DCUN1D4: variants seen among roughly 807,000 people sequenced by gnomAD.
DCUN1D4 encodes defective in cullin neddylation 1 domain containing 4, also known as DCN1-like protein 4.
A neutral mutation model predicts 47.9 loss-of-function variants in DCUN1D4; 22 were observed. That is an observed-to-expected ratio of 0.46 (90% CI 0.33 to 0.66). The LOEUF (loss-of-function observed/expected upper bound fraction) is 0.66. Among genes scored for constraint, DCUN1D4 ranks in the 30% least tolerant of loss-of-function variants. The probability of loss-of-function intolerance (pLI) is 0.02; values close to 1 mark genes in which losing one functional copy is unlikely to be tolerated. For synonymous variants in DCUN1D4, 121 were observed against 112.2 expected (o/e 1.08, Z -0.50); for missense variants, 301 against 340.8 (o/e 0.88, Z 0.92).
At chr4:51,849,371 T>G (rs1480227376) in intron 1 of DCUN1D4, among the ~76,000 whole-genome samples, 1 of 152,148 alleles carries the variant, frequency 6.6e-6, no homozygotes. Flanking sequence ...AGGGGGAGAT[T>G]CTGTGAACTG....
rs1731168753 is a variant in DCUN1D4 at position 51,895,728 on chromosome 4, C to T, written c.507-3542C>T. 2.0e-5 allele frequency among the ~76,000 whole-genome samples: 3 copies of T among 152,220 alleles called. 1 individual carries two copies. In the South Asian group the frequency reaches 6.2e-4, roughly 32 times the overall value. On this transcript the variant is annotated intron_variant, in intron 7 of 10. Transcript: ENST00000334635. ...ACTTCGATGATTACTGTGTTGATTT[C>T]TGTCCTTACAAATCTGTTAGAGCAG...
At chr4:51,847,461 C>A (rs1722724207) in intron 1 of DCUN1D4, among the ~76,000 whole-genome samples, 1 of 152,128 alleles carries the variant, frequency 6.6e-6, no homozygotes, top group Admixed American at 6.5e-5. Flanking sequence ...CACTGAAATC[C>A]TGGACATTTC....
rs879704389 is a variant in DCUN1D4 at position 51,913,906 on chromosome 4, A to C, written c.*322A>C. The C allele has an allele frequency of 1.7e-5, 4 of 242,192 alleles. No individual in the cohort carries two copies. The highest frequency in any genetic ancestry group is 3.1e-5 in the Non-Finnish European group (4 of 127,718). 15.0% of individuals were successfully genotyped at this position (242,192 alleles called of 1,614,324 possible). ...GGTTCACCTAGAGATTATTTCTGAA[A>C]AATGTATTGTAAAAATAATTTTGTG... On this transcript the variant is annotated 3_prime_UTR_variant, in exon 11 of 11. Coordinates refer to ENST00000334635, the MANE Select transcript of DCUN1D4 (RefSeq NM_001040402.3).
At chr4:51,885,716 T>A in intron 5 of DCUN1D4, among the ~76,000 whole-genome samples, 2 of 151,578 alleles carry the variant, frequency 1.3e-5, no homozygotes, top group East Asian at 1.9e-4. Context: ...CTAGAAGAGG[T>A]TTAAGGATGA....
chr4:51,860,693 G>T (rs1395877960), intron 1 of DCUN1D4: 29 of 453,014 alleles, frequency 6.4e-5, no homozygotes, highest in Non-Finnish European at 3.1e-5. Context: ...ACTTTTAAAT[G>T]ACTGAACCCC....
chr4:51,849,154 T>C (rs1485550105), intron 1 of DCUN1D4, among the ~76,000 whole-genome samples: 1 of 152,228 alleles, frequency 6.6e-6, no homozygotes, highest in East Asian at 1.9e-4. Context: ...GATTGGAGAA[T>C]TCTTACCCTG....
intron 3 of DCUN1D4, among the ~76,000 whole-genome samples, chr4:51,864,673 CTT>C (rs1389811212): frequency 1.3e-5 from 2 of 152,140 alleles, no homozygotes; most frequent in Admixed American, 6.5e-5. Flanking sequence ...CCTCAGGCCT[CTT>C]TTATAAGGGC....
upstream of DCUN1D4, among the ~76,000 whole-genome samples, chr4:51,841,931 G>GTGT (rs1015386197): frequency 1.6e-4 from 21 of 129,286 alleles, no homozygotes; most frequent in Non-Finnish European, 2.7e-4. Flanking sequence ...CCTTGTAGGT[G>GTGT]TGTTGTTGTT....
At chr4:51,835,023 G>A in the DCUN1D4 span, among the ~76,000 whole-genome samples, 3 of 152,180 alleles carry the variant, frequency 2.0e-5, no homozygotes, top group Non-Finnish European at 4.4e-5. Flanking sequence ...AGAGAATACA[G>A]GAGATTTGCC....
intron 8 of DCUN1D4, among the ~76,000 whole-genome samples, chr4:51,900,774 T>G (rs140454345): frequency 0.014 from 2,148 of 152,262 alleles, 34 homozygotes; most frequent in Middle Eastern, 0.024. Flanking sequence ...TCATGAGTTT[T>G]TTTTTTCCTC....
At chr4:51,847,808 T>G (rs1449284090) in intron 1 of DCUN1D4, among the ~76,000 whole-genome samples, 2 of 152,124 alleles carry the variant, frequency 1.3e-5, no homozygotes, top group Non-Finnish European at 2.9e-5. Flanking sequence ...GCTCCCTCTC[T>G]AGCAGACTCT....
chr4:51,899,871 GA>G (rs1479676475), intron 8 of DCUN1D4, among the ~76,000 whole-genome samples: 3 of 152,108 alleles, frequency 2.0e-5, no homozygotes, highest in Admixed American at 2.0e-4. Flanking sequence ...TCATCGTTTT[GA>G]AAAGCAGTTA....
chr4:51,859,098 T>G (rs1436464800), intron 1 of DCUN1D4, among the ~76,000 whole-genome samples: 1 of 152,250 alleles, frequency 6.6e-6, no homozygotes, highest in African/African-American at 2.4e-5. Flanking sequence ...TCCCCACCTC[T>G]TTTTGGGGTG....
At chr4:51,905,177 A>T (rs1211381686) in intron 8 of DCUN1D4, 1 of 453,160 alleles carries the variant, frequency 2.2e-6, no homozygotes, top group Non-Finnish European at 4.4e-6. Context: ...TTTGACTTGA[A>T]CTTATTTATA....
At chr4:51,849,873 G>T (rs1407823665) in intron 1 of DCUN1D4, among the ~76,000 whole-genome samples, 1 of 151,854 alleles carries the variant, frequency 6.6e-6, no homozygotes, top group African/African-American at 2.4e-5. Flanking sequence ...GCGTGTTTTA[G>T]TGGAATGTTT....
chr4:51,886,694 CT>C, intron 6 of DCUN1D4, 56 bp downstream of exon 6: 5 of 1,360,774 alleles, frequency 3.7e-6, no homozygotes. Flanking sequence ...ATACTTAAAT[CT>C]TTGTTCTTTA....
chr4:51,881,672 A>T (rs1185253570), intron 5 of DCUN1D4, among the ~76,000 whole-genome samples: 1 of 151,478 alleles, frequency 6.6e-6, no homozygotes, highest in Non-Finnish European at 1.5e-5. Context: ...AAAAAAAAAA[A>T]AAAAACAAGA....
intron 1 of DCUN1D4, among the ~76,000 whole-genome samples, chr4:51,854,153 A>T (rs1401934737): frequency 6.6e-6 from 1 of 152,230 alleles, no homozygotes; most frequent in Non-Finnish European, 1.5e-5. Context: ...TCAAATGTGA[A>T]TATATTTGTT....
intron 7 of DCUN1D4, among the ~76,000 whole-genome samples, chr4:51,897,718 C>G (rs1259995051): frequency 3.3e-5 from 5 of 152,178 alleles, no homozygotes; most frequent in African/African-American, 1.2e-4. Context: ...GTGAGCTGTT[C>G]CATCTTGTGC....
Sources: allele counts gnomAD v4.1 joint callset (sites outside exome capture counted in the v4.1 genomes callset), GRCh38; gene constraint gnomAD v4.1.1; transcripts MANE v1.5; gene names NCBI Gene and HGNC (gene_info 2026-07-23, HGNC 2026-07-21).